GRIK3: variants seen among roughly 807,000 people sequenced by gnomAD.
The protein encoded by GRIK3 is glutamate receptor ionotropic, kainate 3.
Under a neutral mutation model 102.5 loss-of-function variants are expected in GRIK3, and 29 were observed. That is an observed-to-expected ratio of 0.28 (90% CI 0.21 to 0.39). The LOEUF is 0.39. GRIK3 is among the 10% of genes least tolerant of loss of function. GRIK3 has a pLI of 1.00. For synonymous variants in GRIK3, 511 were observed against 504.9 expected (o/e 1.01, Z -0.16); for missense variants, 908 against 1,252.4 (o/e 0.73, Z 4.15).
chr1:36,828,182 G>T (rs956540907), intron 10 of GRIK3, among the ~76,000 whole-genome samples: 1 of 152,116 alleles, frequency 6.6e-6, no homozygotes, highest in Non-Finnish European at 1.5e-5. Context: ...CTGTAGATAG[G>T]ATCCCTTGGT....
At position 36,859,196 on chromosome 1, in the gene GRIK3, C is replaced by T. The variant is rs1279165369; in HGVS notation, c.1016G>A (p.Arg339Gln). ...GGAGTTCACGGTCATCTGTGGTGCC[C>T]GCTGGTAGCACACGGACACGATATG... The part of the protein sequence containing the change: ...AVHIVSVCYQ[R>Q]APQMTVNSLQ... The change falls in exon 7 of 16, where the codon CGG (arginine) becomes CAG (glutamine). Residue 339 changes from arginine (R) to glutamine (Q), a missense_variant. Around this residue, in one of 3 missense-constraint regions of GRIK3, gnomAD observed 585 missense variants for 824.9 expected, o/e 0.71. Transcript: ENST00000373091. 6.8e-6 allele frequency: 11 copies of T among 1,613,764 alleles called. No individual in the cohort carries two copies. Among genetic ancestry groups the T allele is most frequent in the South Asian group, 3.3e-5 (3 of 91,056 alleles).
At chr1:36,985,984 G>A (rs1642300323) in intron 1 of GRIK3, among the ~76,000 whole-genome samples, 1 of 151,774 alleles carries the variant, frequency 6.6e-6, no homozygotes, top group Admixed American at 6.6e-5. Flanking sequence ...AGGGATGGTG[G>A]AGAGACATGC....
At chr1:36,998,097 C>T (rs1342892495) in intron 1 of GRIK3, among the ~76,000 whole-genome samples, 1 of 152,196 alleles carries the variant, frequency 6.6e-6, no homozygotes, top group Non-Finnish European at 1.5e-5. Context: ...GCAGTGTTGT[C>T]CAGGCTCATC....
At chr1:37,021,241 A>G (rs2124076719) in intron 1 of GRIK3, among the ~76,000 whole-genome samples, 1 of 152,048 alleles carries the variant, frequency 6.6e-6, no homozygotes, top group South Asian at 2.1e-4. Context: ...TCACCAAGGG[A>G]CATGACACAA....
chr1:36,978,649 T>C (rs950012305), intron 1 of GRIK3, among the ~76,000 whole-genome samples: 3 of 152,226 alleles, frequency 2.0e-5, no homozygotes, highest in Non-Finnish European at 4.4e-5. Context: ...CCTCGTTTCA[T>C]GACTGACAGT....
intron 1 of GRIK3, among the ~76,000 whole-genome samples, chr1:36,894,068 A>G (rs538365741): frequency 4.6e-5 from 7 of 152,204 alleles, no homozygotes; most frequent in Non-Finnish European, 8.8e-5. Context: ...AAAGTGTACA[A>G]TGATTTTTAG....
At chr1:36,896,833 A>T (rs1205856207) in intron 1 of GRIK3, among the ~76,000 whole-genome samples, 2 of 152,190 alleles carry the variant, frequency 1.3e-5, no homozygotes, top group Non-Finnish European at 2.9e-5. Context: ...TATTCCTGGA[A>T]TGCAAGGATG....
chr1:36,865,615 C>T (rs1268344917), intron 5 of GRIK3, among the ~76,000 whole-genome samples: 4 of 152,242 alleles, frequency 2.6e-5, no homozygotes, highest in East Asian at 1.9e-4. Flanking sequence ...CCATACTCCA[C>T]TGCAGAACTG....
At chr1:36,802,177 C>G in intron 15 of GRIK3, 132 bp from the exon 16 acceptor site, 1 of 610,260 alleles carries the variant, frequency 1.6e-6, no homozygotes, top group Non-Finnish European at 2.8e-6. Context: ...ACCTTCACCC[C>G]ACCCATCCCT....
Position 36,850,262 on chromosome 1 carries a change from C to T in GRIK3, c.1326+49G>A, listed in dbSNP as rs750422677. On this transcript the variant is annotated intron_variant, in intron 9 of 15. Coordinates refer to ENST00000373091, the MANE Select transcript of GRIK3 (RefSeq NM_000831.4). The surrounding 1 kb of genome is among the most constrained non-coding windows in gnomAD (Gnocchi z 4.0). ...GGGACTCTCCAGCCCGAACGGCCAC[C>T]CCACCCCCAGGTCGGACAGTCCTTC... The T allele has an allele frequency of 1.9e-5, 24 of 1,240,506 alleles. No homozygotes were observed. The highest frequency in any genetic ancestry group is 3.7e-4 in the Middle Eastern group (2 of 5,384). The allele number at this position is 1,240,506 out of a possible 1,614,324, so 76.8% of individuals were successfully genotyped here.
chr1:36,908,268 G>C (rs1372306965), intron 1 of GRIK3, among the ~76,000 whole-genome samples: 1 of 152,210 alleles, frequency 6.6e-6, no homozygotes, highest in Admixed American at 6.5e-5. Context: ...TAAGACAGGG[G>C]TGACATTACT....
chr1:36,853,518 T>C, intron 8 of GRIK3, 97 bp downstream of exon 8: 4 of 779,576 alleles, frequency 5.1e-6, no homozygotes, highest in Admixed American at 3.8e-5. Flanking sequence ...GGACTGTGTC[T>C]TGCCCCTTGC....
intron 1 of GRIK3, among the ~76,000 whole-genome samples, chr1:36,943,819 G>T (rs1641753297): frequency 6.6e-6 from 1 of 152,214 alleles, no homozygotes; most frequent in Non-Finnish European, 1.5e-5. Flanking sequence ...TTACTCTCTA[G>T]GGAGAAGCCC....
intron 1 of GRIK3, among the ~76,000 whole-genome samples, chr1:36,937,059 G>A (rs912125425): frequency 2.0e-5 from 3 of 152,178 alleles, no homozygotes; most frequent in African/African-American, 2.4e-5. Context: ...TTTTCATGTT[G>A]GCTTAGCTGA....
chr1:36,855,392 T>C (rs1640639596), intron 7 of GRIK3, among the ~76,000 whole-genome samples: 1 of 152,196 alleles, frequency 6.6e-6, no homozygotes, highest in Non-Finnish European at 1.5e-5. Context: ...TGGAGTTTCA[T>C]TGACAAATCC....
At chr1:36,812,689 A>G (rs2124184444) in intron 13 of GRIK3, among the ~76,000 whole-genome samples, 1 of 151,940 alleles carries the variant, frequency 6.6e-6, no homozygotes, top group Non-Finnish European at 1.5e-5. Context: ...GCCCCCCGAG[A>G]GCCCAGCATC....
intron 1 of GRIK3, among the ~76,000 whole-genome samples, chr1:36,998,847 C>T (rs1279110473): frequency 1.3e-5 from 2 of 152,170 alleles, no homozygotes; most frequent in South Asian, 2.1e-4. Flanking sequence ...CTGAAGGGCC[C>T]CTCCAAGTGG....
intron 1 of GRIK3, among the ~76,000 whole-genome samples, chr1:36,897,625 C>T (rs1383843878): frequency 6.6e-6 from 1 of 152,028 alleles, no homozygotes; most frequent in African/African-American, 2.4e-5. Flanking sequence ...GGCTTATATC[C>T]AAAAGACAGG....
chr1:36,993,086 G>C (rs540257354), intron 1 of GRIK3, among the ~76,000 whole-genome samples: 1 of 152,036 alleles, frequency 6.6e-6, no homozygotes, highest in African/African-American at 2.4e-5. Flanking sequence ...CAAGGGGAGG[G>C]GCATGTTCAA....
Sources: allele counts gnomAD v4.1 joint callset (sites outside exome capture counted in the v4.1 genomes callset), GRCh38; gene constraint gnomAD v4.1.1; regional missense constraint gnomAD v4.1.1; non-coding constraint Gnocchi (gnomAD v3.1); transcripts MANE v1.5; gene names NCBI Gene and HGNC (gene_info 2026-07-23, HGNC 2026-07-21).